FBXL20: variants seen among roughly 807,000 people sequenced by gnomAD.
FBXL20 encodes F-box and leucine rich repeat protein 20, also known as F-box/LRR-repeat protein 20.
Under a neutral mutation model 64.0 loss-of-function variants are expected in FBXL20, and 11 were observed. That is an observed-to-expected ratio of 0.17 (90% CI 0.11 to 0.28). The LOEUF is 0.28. FBXL20 is among the 10% of genes least tolerant of loss of function. The pLI is 1.00. For synonymous variants in FBXL20, 184 were observed against 189.0 expected, an observed-to-expected ratio of 0.97 and a Z score of 0.22; for missense variants, 303 against 526.2, an observed-to-expected ratio of 0.58 and a Z score of 4.15.
At chr17:39,366,149 G>C (rs562454618) in intron 1 of FBXL20, among the ~76,000 whole-genome samples, 121 of 152,222 alleles carry the variant, frequency 7.9e-4, no homozygotes, top group African/African-American at 2.7e-3. Context: ...GCTGTATTCA[G>C]TGTAATTTTC....
chr17:39,291,341 C>A (rs1333149789), intron 6 of FBXL20, among the ~76,000 whole-genome samples: 1 of 151,322 alleles, frequency 6.6e-6, no homozygotes, highest in Non-Finnish European at 1.5e-5. Context: ...TTTTTTTCTT[C>A]CTTTTTGGTA....
chr17:39,401,111 G>A (rs551398650), intron 1 of FBXL20, among the ~76,000 whole-genome samples: 57 of 152,356 alleles, frequency 3.7e-4, no homozygotes, highest in Admixed American at 1.3e-3. Context: ...GGTGGAATTA[G>A]GGCGCCCGAG....
intron 1 of FBXL20, among the ~76,000 whole-genome samples, chr17:39,379,851 T>C (rs2048005550): frequency 6.6e-6 from 1 of 151,958 alleles, no homozygotes; most frequent in African/African-American, 2.4e-5. Flanking sequence ...TGGTGGTATA[T>C]GCCTGTGGTC....
At chr17:39,314,257 A>C (rs1456917560) in intron 2 of FBXL20, among the ~76,000 whole-genome samples, 1 of 152,204 alleles carries the variant, frequency 6.6e-6, no homozygotes, top group Non-Finnish European at 1.5e-5. Context: ...GCACGTATTC[A>C]TACTTCATTC....
intron 2 of FBXL20, among the ~76,000 whole-genome samples, chr17:39,327,909 G>C (rs1048838320): frequency 6.6e-6 from 1 of 152,044 alleles, no homozygotes; most frequent in Admixed American, 6.6e-5. Context: ...AGAAAGTCTA[G>C]AAGCAATGCC....
At position 39,297,161 on chromosome 17, in the gene FBXL20, G is replaced by A; in HGVS notation, c.364C>T (p.Leu122=). 6.2e-7 allele frequency: 1 copy of A among 1,610,858 alleles called. No individual in the cohort carries two copies. The highest frequency in any genetic ancestry group is 1.3e-5 in the African/African-American group (1 of 74,990). The change falls in exon 6 of 15, where the codon CTG becomes TTG. Residue 122 remains leucine (L), a synonymous_variant. Transcript: ENST00000264658. The stretch of plus-strand genomic sequence containing the variant: ...GTCTTTGTACACCCATTTAGATTCA[G>A]TACTTCAATGTTCCTGCAGTTTTGT... ...FAQNCRNIEV[L]NLNGCTKTTD...
intron 2 of FBXL20, among the ~76,000 whole-genome samples, chr17:39,337,041 A>AGCTGGC (rs1729787085): frequency 1.3e-5 from 2 of 150,710 alleles, no homozygotes; most frequent in Admixed American, 1.3e-4. Context: ...GCTGAGCCGA[A>AGCTGGC]GCTGGACTGT....
At chr17:39,371,250 C>A (rs1027847789) in intron 1 of FBXL20, among the ~76,000 whole-genome samples, 10 of 152,122 alleles carry the variant, frequency 6.6e-5, no homozygotes, top group Non-Finnish European at 1.2e-4. Flanking sequence ...ATGAGGTAAT[C>A]TGCCATCAGC....
chr17:39,373,078 C>T (rs1299160847), intron 1 of FBXL20, among the ~76,000 whole-genome samples: 1 of 151,464 alleles, frequency 6.6e-6, no homozygotes, highest in Non-Finnish European at 1.5e-5. Context: ...GGCTTCACAT[C>T]GTCTATATAG....
intron 2 of FBXL20, among the ~76,000 whole-genome samples, chr17:39,320,795 A>C (rs1412756378): frequency 2.0e-5 from 3 of 151,902 alleles, no homozygotes. Flanking sequence ...GGGCTTCACC[A>C]CGTTGGCCAG....
intron 6 of FBXL20, among the ~76,000 whole-genome samples, chr17:39,291,000 C>T (rs1466094249): frequency 6.6e-6 from 1 of 150,662 alleles, no homozygotes; most frequent in Non-Finnish European, 1.5e-5. Context: ...GTCGCTCTGT[C>T]GCCCAGGCTG....
chr17:39,319,689 A>C (rs1405708871), intron 2 of FBXL20, among the ~76,000 whole-genome samples: 2 of 151,052 alleles, frequency 1.3e-5, no homozygotes, highest in Non-Finnish European at 3.0e-5. Flanking sequence ...AAAAAAAAAA[A>C]AAAAAAACTA....
chr17:39,343,345 T>C lies in FBXL20; in HGVS notation c.43-104A>G, dbSNP rs2047600801. ...TTCTCTCAGGAAAGAGGTAAAAAAA[T>C]ATAGTCGGCATCATAAACCAAAGTC... On this transcript the variant is annotated intron_variant, in intron 1 of 14. Transcript: ENST00000264658. The C allele has an allele frequency of 1.3e-5, 10 of 759,222 alleles. 1 individual carries two copies. The highest frequency in any genetic ancestry group is 2.8e-4 in the Middle Eastern group (1 of 3,558). The allele number at this position is 759,222 out of a possible 1,614,324, so 47.0% of individuals were successfully genotyped here.
At chr17:39,379,931 A>T (rs1383631186) in intron 1 of FBXL20, among the ~76,000 whole-genome samples, 1 of 152,172 alleles carries the variant, frequency 6.6e-6, no homozygotes, top group African/African-American at 2.4e-5. Flanking sequence ...GTGAGCCATG[A>T]TCGCATCATG....
chr17:39,323,209 T>C (rs2047375104), intron 2 of FBXL20, among the ~76,000 whole-genome samples: 1 of 151,996 alleles, frequency 6.6e-6, no homozygotes, highest in African/African-American at 2.4e-5. Flanking sequence ...GACCTCGTGA[T>C]CCGCCCGCCT....
At chr17:39,387,485 G>A (rs940275139) in intron 1 of FBXL20, among the ~76,000 whole-genome samples, 7 of 151,746 alleles carry the variant, frequency 4.6e-5, no homozygotes. Flanking sequence ...CACCATGTTC[G>A]CCAGGCTGGT....
rs34975638 is a variant in FBXL20 at position 39,256,320 on chromosome 17, CAAA to C, written c.*5137_*5139del. 2.8e-4 allele frequency: 26 copies of C among 91,990 alleles called. No individual in the cohort carries two copies. The highest frequency in any genetic ancestry group is 5.5e-3 in the Middle Eastern group (1 of 182). The allele number at this position is 91,990 out of a possible 1,614,324, so 5.7% of individuals were successfully genotyped here. On this transcript the variant is annotated 3_prime_UTR_variant, in exon 15 of 15. Coordinates refer to ENST00000264658, the MANE Select transcript of FBXL20 (RefSeq NM_032875.3). The stretch of plus-strand genomic sequence containing the variant: ...TGGGTGACAGAGCGAGACTCCATGT[CAAA>C]AAAAAAAAAAAAAAAAAGAAATATA...
chr17:39,384,524 AAAAT>A (rs1188290886), intron 1 of FBXL20, among the ~76,000 whole-genome samples: 3 of 151,600 alleles, frequency 2.0e-5, no homozygotes, highest in Admixed American at 6.6e-5. Context: ...AGTCCATCTC[AAAAT>A]AAATAAATAA....
intron 1 of FBXL20, among the ~76,000 whole-genome samples, chr17:39,354,840 A>T (rs2047720541): frequency 6.6e-6 from 1 of 152,250 alleles, no homozygotes. Context: ...AATAACAATT[A>T]AAATAGTTGA....
Sources: gnomAD v4.1 joint callset for allele counts (sites outside exome capture counted in the v4.1 genomes callset) on GRCh38, gnomAD v4.1.1 for gene constraint, MANE v1.5 for transcripts, NCBI Gene and HGNC (gene_info 2026-07-23, HGNC 2026-07-21) for gene names.